The following CIC variants were observed in gnomAD, a reference collection of about 807,000 sequenced individuals.
The protein encoded by CIC is capicua transcriptional repressor, also known as protein capicua homolog.
In CIC, 18 loss-of-function variants were observed where a neutral mutation model predicts 115.7. The ratio of observed to expected loss-of-function variants is 0.16; its 90% CI spans 0.11 to 0.23. CIC has a LOEUF of 0.23. Ranked by LOEUF, CIC falls within the 10% of genes least tolerant of loss-of-function variation. CIC has a pLI of 1.00. For synonymous variants in CIC, 1,076 were observed against 923.0 expected (o/e 1.17, Z -3.01); for missense variants, 2,000 against 2,159.3 (o/e 0.93, Z 1.46).
At chr19:42,275,952 T>G in intron 2 of CIC, among the ~76,000 whole-genome samples, 1 of 152,214 alleles carries the variant, frequency 6.6e-6, no homozygotes, top group Non-Finnish European at 1.5e-5. Context: ...GACAGACCCC[T>G]CCCTAGACAG....
Position 42,274,084 on chromosome 19 carries a change from G to A in CIC, c.2301G>A (p.Val767=). 1 of 399,836 alleles carries A rather than the reference G, an allele frequency of 2.5e-6. No homozygotes were observed. Among genetic ancestry groups the A allele is most frequent in the Non-Finnish European group, 4.4e-6 (1 of 226,830 alleles). 24.8% of individuals were successfully genotyped at this position (399,836 alleles called of 1,614,324 possible). ...CCACGCCGGCTGGCTTCCGGGCCGT[G>A]TCCCCTGCTGTGCCCTTCTCTCGCT... is the stretch of plus-strand genomic sequence containing the variant. The part of the protein sequence containing the change: ...TPSTPAGFRA[V]SPAVPFSRSR... The change falls in exon 2 of 21, where the codon GTG becomes GTA. Residue 767 remains valine (V), a synonymous_variant. Coordinates refer to ENST00000681038, the MANE Select transcript of CIC (RefSeq NM_001386298.1).
chr19:42,283,884 AC>A (rs1321037289), intron 2 of CIC: 9 of 151,128 alleles, frequency 6.0e-5, no homozygotes, highest in Non-Finnish European at 1.3e-4. Context: ...TTTGCATATG[AC>A]TGACGTTCCC....
chr19:42,289,842 C>T lies in CIC; in HGVS notation c.4088-6C>T, dbSNP rs2037943574. On this transcript the variant is annotated splice_polypyrimidine_tract_variant and splice_region_variant and intron_variant, in intron 9 of 20. Transcript: ENST00000681038. ...CCTCCCCATACTGTTCCCTCCACTC[C>T]CTCAGCTGACGATGGCTTCGGCACC... is the stretch of plus-strand genomic sequence containing the variant. 1.3e-6 allele frequency: 2 copies of T among 1,589,542 alleles called. No homozygotes were observed. The highest frequency in any genetic ancestry group is 8.6e-7 in the Non-Finnish European group (1 of 1,167,562).
At chr19:42,281,639 C>G (rs376941155) in intron 2 of CIC, among the ~76,000 whole-genome samples, 1 of 152,298 alleles carries the variant, frequency 6.6e-6, no homozygotes, top group East Asian at 1.9e-4. Flanking sequence ...TAATCCACCC[C>G]CACCCAGGGT....
Position 42,295,055 on chromosome 19 carries a change from C to T in CIC, c.7418C>T (p.Ser2473Leu), listed in dbSNP as rs1308540080. The change falls in exon 21 of 21, where the codon TCG becomes TTG. Residue 2473 changes from serine to leucine, a missense_variant. This residue lies in a region of CIC where 133 missense variants were observed against 116.0 expected (regional missense o/e 1.15). Transcript: ENST00000681038. ...AGGPDPTSPS[S>L]DSGTAQAAPP... is the part of the protein sequence containing the mutation. ...GGCCCTGACCCCACCTCACCCAGCT[C>T]GGACTCTGGCACGGCCCAGGCTGCC... The T allele has an allele frequency of 9.8e-6, 15 of 1,535,066 alleles. No individual in the cohort carries two copies. The highest frequency in any genetic ancestry group is 2.4e-5 in the East Asian group (1 of 41,012).
At position 42,289,938 on chromosome 19, in the gene CIC, C is replaced by T. The variant is rs1164091798; in HGVS notation, c.4178C>T (p.Pro1393Leu). ...SESGDSSGED[P>L]EGNKGFGRKV... Reference sequence around the variant, plus strand: ...AGTGGGGACAGCTCTGGGGAGGACCCAGAGGGCAACAAGGTGAGGGCTTGG... The same window carrying T: ...AGTGGGGACAGCTCTGGGGAGGACCTAGAGGGCAACAAGGTGAGGGCTTGG... Residue 1393 changes from proline (P) to leucine (L), a missense_variant, in exon 10 of 21, where the codon CCA becomes CTA. Pro to Leu is a moderately conservative substitution (Grantham distance 98, BLOSUM62 -3). Transcript: ENST00000681038. 1 of 1,605,038 alleles carries T rather than the reference C, an allele frequency of 6.2e-7. No individual in the cohort carries two copies. The highest frequency in any genetic ancestry group is 8.5e-7 in the Non-Finnish European group (1 of 1,175,934).
rs1190333529 is a variant in CIC at position 42,271,675 on chromosome 19, G to A, written c.-10-99G>A. 7.5e-6 allele frequency: 3 copies of A among 397,924 alleles called. No homozygotes were observed. In the East Asian group the frequency reaches 1.1e-4, roughly 14 times the overall value. The allele number at this position is 397,924 out of a possible 1,614,324, so 24.6% of individuals were successfully genotyped here. A position where few individuals can be genotyped will look rare whatever the true frequency, so the allele number is the denominator to read the frequency against. On this transcript the variant is annotated intron_variant, in intron 1 of 20. Transcript: ENST00000681038. ...GAGGAGGCCTTGGGGATGGTGGGAT[G>A]GAGACAGTAGACTCAGCAAGTGGGA...
Position 42,295,023 on chromosome 19 carries a change from C to A in CIC, c.7386C>A (p.Pro2462=). 6.3e-7 allele frequency: 1 copy of A among 1,583,980 alleles called. No homozygotes were observed. The highest frequency in any genetic ancestry group is 8.5e-7 in the Non-Finnish European group (1 of 1,172,296). The change falls in exon 21 of 21, where the codon CCC becomes CCA. Residue 2462 remains proline, a synonymous_variant. Coordinates refer to ENST00000681038, the MANE Select transcript of CIC (RefSeq NM_001386298.1). ...CTGCCCCTGCCCCCACTCCCAGCCC[C>A]GCAGGGGGCCCTGACCCCACCTCAC... ...TAAAPAPTPS[P]AGGPDPTSPS... is the part of the protein sequence containing the mutation.
Position 42,288,930 on chromosome 19 carries a change from G to A in CIC, c.3701G>A (p.Ser1234Asn), listed in dbSNP as rs1249919983. ...LLSVAAQTLLSSDTKAPGSSS... is the reference protein window; with the variant it reads ...LLSVAAQTLLNSDTKAPGSSS... Reference sequence around the variant, plus strand: ...TCCGTTGCAGCCCAGACACTCCTGAGCTCAGACACCAAGGCTCCGGGGAGC... The same window carrying A: ...TCCGTTGCAGCCCAGACACTCCTGAACTCAGACACCAAGGCTCCGGGGAGC... The change falls in exon 8 of 21, where the codon AGC (serine) becomes AAC (asparagine). Residue 1234 changes from serine (S) to asparagine (N), a missense_variant. This residue lies in a region of CIC where 1,466 missense variants were observed against 1,390.4 expected (regional missense o/e 1.05). Transcript: ENST00000681038. The A allele has an allele frequency of 1.2e-6, 2 of 1,614,154 alleles. No homozygotes were observed. The highest frequency in any genetic ancestry group is 1.1e-5 in the South Asian group (1 of 91,086).
chr19:42,288,743 G>A, intron 7 of CIC, 145 bp from the exon 8 acceptor site: 3 of 752,036 alleles, frequency 4.0e-6, no homozygotes, highest in South Asian at 3.0e-5. Context: ...CTGGTGGTGG[G>A]TGGTGGTTTT....
At chr19:42,284,322 G>GCGCCCCGCCCCGCCTGCCC (rs1568497621) in intron 2 of CIC, 1 of 141,704 alleles carries the variant, frequency 7.1e-6, no homozygotes, top group Non-Finnish European at 1.6e-5. Context: ...CACGCGCGTC[G>GCGCCCCGCCCCGCCTGCCC]CGCCCCGCCC....
At position 42,291,136 on chromosome 19, in the gene CIC, A is replaced by C; in HGVS notation, c.5095A>C (p.Thr1699Pro). The C allele has an allele frequency of 1.2e-6, 2 of 1,608,378 alleles. No homozygotes were observed. The highest frequency in any genetic ancestry group is 1.7e-4 in the Middle Eastern group (1 of 6,004). Reference protein sequence around the residue: ...FIAQGAPGGGTTAGSGAGAGS... With the variant: ...FIAQGAPGGGPTAGSGAGAGS... ...TGCCCAGGGGGCCCCTGGTGGTGGG[A>C]CCACTGCGGGCTCAGGAGCAGGTGC... Residue 1699 changes from threonine (T) to proline (P), a missense_variant, in exon 11 of 21, where the codon ACC (threonine) becomes CCC (proline). Coordinates refer to ENST00000681038, the MANE Select transcript of CIC (RefSeq NM_001386298.1).
rs1192997436 is a variant in CIC, at chr19:42,291,074, G to A, written c.5033G>A (p.Gly1678Glu). The A allele has an allele frequency of 2.5e-6, 4 of 1,613,684 alleles. No homozygotes were observed. The highest frequency in any genetic ancestry group is 3.4e-6 in the Non-Finnish European group (4 of 1,179,896). Residue 1678 changes from glycine (G) to glutamate (E), a missense_variant, in exon 11 of 21, where the codon GGG becomes GAG. Around this residue, in one of 8 missense-constraint regions of CIC, gnomAD observed 1,466 missense variants for 1,390.4 expected, o/e 1.05. Transcript: ENST00000681038. ...TVTNLLVGTP[G>E]YGAPAPPAVQ... ...ACTAACCTACTGGTGGGCACCCCGG[G>A]GTATGGGGCCCCTGCGCCCCCTGCT... is the stretch of plus-strand genomic sequence containing the variant.
At chr19:42,278,805 T>TTC (rs1299993507) in intron 2 of CIC, among the ~76,000 whole-genome samples, 11 of 152,200 alleles carry the variant, frequency 7.2e-5, no homozygotes, top group Non-Finnish European at 1.5e-4. Flanking sequence ...CTCATGCTCT[T>TTC]TGACAAATTA....
At chr19:42,289,575 A>G (rs1174989148) in intron 9 of CIC, among the ~76,000 whole-genome samples, 169 bp downstream of exon 9, 1 of 152,214 alleles carries the variant, frequency 6.6e-6, no homozygotes, top group African/African-American at 2.4e-5. Flanking sequence ...CCCTGCCCTC[A>G]GGAAGCCCCC....
rs2147191259 is a variant in CIC, at chr19:42,287,463, G to A, written c.3309+14G>A. 1 of 1,612,568 alleles carries A rather than the reference G, an allele frequency of 6.2e-7. No homozygotes were observed. Among genetic ancestry groups the A allele is most frequent in the Non-Finnish European group, 8.5e-7 (1 of 1,180,020 alleles). On this transcript the variant is annotated intron_variant, in intron 5 of 20. Coordinates refer to ENST00000681038, the MANE Select transcript of CIC (RefSeq NM_001386298.1). The surrounding 1 kb of genome is among the most constrained non-coding windows in gnomAD (Gnocchi z 8.7). ...AGCCCCAACAAGGTACTTTATCCCT[G>A]CCTGTCCTGTGCTCACCCCGTGGCC...
Position 42,287,732 on chromosome 19 carries a change from C to T in CIC, c.3492+5C>T, listed in dbSNP as rs376425349. The T allele has an allele frequency of 1.3e-4, 210 of 1,614,186 alleles. No individual in the cohort carries two copies. The Middle Eastern group carries it at 2.6e-3, about 20-fold the overall frequency. ...TACCACGACCTGGCCTTCCAGGTAA[C>T]GCTGTTGCCTCTTGGCTCCTCCCAG... On this transcript the variant is annotated splice_donor_5th_base_variant and intron_variant, in intron 6 of 20. Transcript: ENST00000681038. The surrounding 1 kb of genome is among the most constrained non-coding windows in gnomAD (Gnocchi z 8.7).
At chr19:42,276,550 C>T (rs1378543438) in intron 2 of CIC, among the ~76,000 whole-genome samples, 3 of 152,150 alleles carry the variant, frequency 2.0e-5, no homozygotes, top group Non-Finnish European at 4.4e-5. Context: ...AGGCCAGTCC[C>T]GAGGGACAGG....
At position 42,295,598 on chromosome 19, in the gene CIC, G is replaced by T; in HGVS notation, c.*407G>T. 1 of 245,710 alleles carries T rather than the reference G, an allele frequency of 4.1e-6. No homozygotes were observed. Among genetic ancestry groups the T allele is most frequent in the Non-Finnish European group, 7.9e-6 (1 of 126,136 alleles). The allele number at this position is 245,710 out of a possible 1,614,324, so 15.2% of individuals were successfully genotyped here. ...CTGGACTCAGGTTAGTTTGGGGGTG[G>T]GGGCTCCTGCACTTTGCCACAGGCA... On this transcript the variant is annotated 3_prime_UTR_variant, in exon 21 of 21. Coordinates refer to ENST00000681038, the MANE Select transcript of CIC (RefSeq NM_001386298.1).
Sources: allele counts gnomAD v4.1 joint callset (sites outside exome capture counted in the v4.1 genomes callset), GRCh38; gene constraint gnomAD v4.1.1; regional missense constraint gnomAD v4.1.1; non-coding constraint Gnocchi (gnomAD v3.1); transcripts MANE v1.5; gene names NCBI Gene and HGNC (gene_info 2026-07-23, HGNC 2026-07-21).